Variants in GPHN observed in about 807,000 individuals in gnomAD.
GPHN encodes gephyrin.
Under a neutral mutation model 95.5 loss-of-function variants are expected in GPHN, and 17 were observed. The observed-to-expected ratio is 0.18, with a 90% CI of 0.12 to 0.27. GPHN has a LOEUF of 0.27. Ranked by LOEUF, GPHN falls within the 10% of genes least tolerant of loss-of-function variation. The pLI, the probability that GPHN is intolerant of heterozygous loss-of-function variation, is 1.00. For missense variants in GPHN, 660 were observed against 978.1 expected, an observed-to-expected ratio of 0.67 and a Z score of 4.34; for synonymous variants, 320 against 322.5, an observed-to-expected ratio of 0.99 and a Z score of 0.08.
At chr14:67,379,364 T>G in the GPHN span, among the ~76,000 whole-genome samples, 10 of 152,372 alleles carry the variant, frequency 6.6e-5, no homozygotes, top group Admixed American at 3.9e-4. Flanking sequence ...TATCTTTTGA[T>G]TTGCATACTC....
intron 1 of GPHN, among the ~76,000 whole-genome samples, chr14:66,524,802 C>T (rs1047902174): frequency 3.9e-5 from 6 of 152,100 alleles, no homozygotes; most frequent in Non-Finnish European, 7.4e-5. Flanking sequence ...CCAGCTTCAT[C>T]GATGTCCCTG....
At chr14:67,210,045 CTT>C in the GPHN span, among the ~76,000 whole-genome samples, 1 of 152,096 alleles carries the variant, frequency 6.6e-6, no homozygotes, top group Non-Finnish European at 1.5e-5. Flanking sequence ...CAACAACACT[CTT>C]AGTGTCACTG....
At chr14:67,182,530 T>C (rs79890364), downstream of GPHN, among the ~76,000 whole-genome samples, 1,833 of 152,302 alleles carry the variant, frequency 0.012, 19 homozygotes, top group Non-Finnish European at 0.018. Flanking sequence ...GGTTAGTTAA[T>C]AGAGGTCAAA....
chr14:66,772,918 G>C (rs2059234536), intron 2 of GPHN, among the ~76,000 whole-genome samples: 1 of 152,166 alleles, frequency 6.6e-6, no homozygotes, highest in African/African-American at 2.4e-5. Flanking sequence ...GTTTATCCTA[G>C]ATATGATTTA....
chr14:66,632,171 G>T (rs2063841876), intron 1 of GPHN, among the ~76,000 whole-genome samples: 1 of 152,132 alleles, frequency 6.6e-6, no homozygotes, highest in South Asian at 2.1e-4. Context: ...CATGAGATTG[G>T]CAAAATGATT....
chr14:66,889,789 G>GA (rs2064377689), intron 5 of GPHN, among the ~76,000 whole-genome samples: 1 of 151,284 alleles, frequency 6.6e-6, no homozygotes, highest in Non-Finnish European at 1.5e-5. Context: ...AAATGAACTA[G>GA]AAAATCAAAA....
chr14:67,654,324 C>A, the GPHN span, among the ~76,000 whole-genome samples: 6 of 752 alleles, frequency 8.0e-3, 1 homozygote, highest in South Asian at 0.23. Context: ...AGGTCTCGCT[C>A]TAGAGATGAG....
chr14:67,563,418 T>C, the GPHN span, among the ~76,000 whole-genome samples: 3 of 151,474 alleles, frequency 2.0e-5, no homozygotes, highest in Admixed American at 6.6e-5. Context: ...TGTTTTTCTT[T>C]TTCTTTTCTT....
chr14:66,813,586 CAGGG>C (rs1332257569), intron 3 of GPHN, among the ~76,000 whole-genome samples: 4 of 152,174 alleles, frequency 2.6e-5, no homozygotes, highest in African/African-American at 9.7e-5. Context: ...CGTGAGGTGG[CAGGG>C]AGAGTTACTT....
chr14:67,524,720 C>T, the GPHN span, among the ~76,000 whole-genome samples: 1 of 152,200 alleles, frequency 6.6e-6, no homozygotes, highest in Admixed American at 6.5e-5. Flanking sequence ...CGCCAAACCA[C>T]AAGAACATAC....
chr14:67,200,093 G>A, the GPHN span: 182 of 1,012,516 alleles, frequency 1.8e-4, 1 homozygote, highest in African/African-American at 2.8e-3. Flanking sequence ...CCTTATCCTG[G>A]ACCTCCTCCA....
chr14:66,534,068 G>A (rs1428804575), intron 1 of GPHN, among the ~76,000 whole-genome samples: 2 of 152,132 alleles, frequency 1.3e-5, no homozygotes, highest in African/African-American at 2.4e-5. Context: ...ATCCTTTATT[G>A]TAAGAAGATT....
chr14:67,229,849 C>T, the GPHN span, among the ~76,000 whole-genome samples: 1 of 152,138 alleles, frequency 6.6e-6, no homozygotes, highest in Non-Finnish European at 1.5e-5. Flanking sequence ...TTCCATCAGA[C>T]AGCACTGCTC....
the GPHN span, chr14:67,221,926 A>C: frequency 7.7e-7 from 1 of 1,292,742 alleles, no homozygotes; most frequent in East Asian, 2.5e-5. Context: ...TTTTTGATGC[A>C]TTTCCTTTCT....
At chr14:67,464,295 T>C in the GPHN span, among the ~76,000 whole-genome samples, 1 of 152,110 alleles carries the variant, frequency 6.6e-6, no homozygotes, top group Admixed American at 6.5e-5. Flanking sequence ...GACCCCAGGC[T>C]CTCCCTGCAG....
At chr14:67,650,826 G>A in the GPHN span, 1 of 1,614,064 alleles carries the variant, frequency 6.2e-7, no homozygotes, top group Admixed American at 1.7e-5. Context: ...TCAAGCTTTG[G>A]TCAGACAAGA....
At chr14:66,615,136 T>C (rs565200470) in intron 1 of GPHN, among the ~76,000 whole-genome samples, 1 of 152,172 alleles carries the variant, frequency 6.6e-6, no homozygotes. Context: ...GTTGGTTCCG[T>C]GTCTTTGCTA....
At chr14:67,263,993 G>A in the GPHN span, among the ~76,000 whole-genome samples, 2 of 152,084 alleles carry the variant, frequency 1.3e-5, no homozygotes, top group African/African-American at 4.8e-5. Context: ...GAACTCCTGG[G>A]CTTAAGTGAT....
chr14:66,549,220 T>G (rs1337429815), intron 1 of GPHN, among the ~76,000 whole-genome samples: 1 of 152,314 alleles, frequency 6.6e-6, no homozygotes, highest in South Asian at 2.1e-4. Flanking sequence ...TATTGGTAAG[T>G]TGTGTGTCAC....
Sources: gnomAD v4.1 joint callset for allele counts (sites outside exome capture counted in the v4.1 genomes callset) on GRCh38, gnomAD v4.1.1 for gene constraint, MANE v1.5 for transcripts, NCBI Gene and HGNC (gene_info 2026-07-23, HGNC 2026-07-21) for gene names.